Variants in FBXW10B observed in about 807,000 individuals in gnomAD.
The protein encoded by FBXW10B is F-box and WD repeat domain containing 10B.
the FBXW10B span, among the ~76,000 whole-genome samples, chr17:15,583,063 T>G: frequency 2.0e-5 from 3 of 149,910 alleles, no homozygotes; most frequent in Admixed American, 6.7e-5. Flanking sequence ...AGAGTAGTCC[T>G]TCTAAAAAGC....
chr17:15,574,035 T>A, the FBXW10B span: 2 of 661,828 alleles, frequency 3.0e-6, no homozygotes, highest in Non-Finnish European at 2.7e-6. Flanking sequence ...AGTCGCCAGG[T>A]GTCTCTCACG....
At chr17:15,578,352 G>A in the FBXW10B span, among the ~76,000 whole-genome samples, 39 of 151,038 alleles carry the variant, frequency 2.6e-4, no homozygotes, top group Non-Finnish European at 4.4e-4. Flanking sequence ...GCACGTGCAC[G>A]CAGCTGCCAG....
At chr17:15,566,208 G>A in the FBXW10B span, 1,251 of 1,612,366 alleles carry the variant, frequency 7.8e-4, 11 homozygotes, top group Non-Finnish European at 4.5e-4. Context: ...CAAATTCCCC[G>A]GAATTACGGG....
At chr17:15,583,704 C>A in the FBXW10B span, among the ~76,000 whole-genome samples, 1 of 151,436 alleles carries the variant, frequency 6.6e-6, no homozygotes, top group African/African-American at 2.4e-5. Context: ...ACCAGTGTGC[C>A]CCACGTACAG....
the FBXW10B span, among the ~76,000 whole-genome samples, chr17:15,602,931 C>T: frequency 2.7e-5 from 3 of 109,940 alleles, 1 homozygote; most frequent in African/African-American, 1.4e-4. Flanking sequence ...CCGGCGAGAC[C>T]GAGTTTTGCT....
the FBXW10B span, chr17:15,613,811 C>A: frequency 2.8e-5 from 45 of 1,609,966 alleles, no homozygotes; most frequent in Admixed American, 2.7e-4. Context: ...TCTGGGAAAT[C>A]CCCTCATACA....
chr17:15,588,907 C>G, the FBXW10B span: 8 of 1,613,980 alleles, frequency 5.0e-6, no homozygotes, highest in African/African-American at 6.7e-5. Context: ...AGTTGCCATT[C>G]TGACCTTGGG....
chr17:15,574,033 G>A, the FBXW10B span: 1 of 659,822 alleles, frequency 1.5e-6, no homozygotes, highest in Non-Finnish European at 2.7e-6. Context: ...GCAGTCGCCA[G>A]GTGTCTCTCA....
chr17:15,611,742 A>T, the FBXW10B span, among the ~76,000 whole-genome samples: 11 of 152,250 alleles, frequency 7.2e-5, no homozygotes, highest in Admixed American at 5.9e-4. Flanking sequence ...AATTAAATAG[A>T]CTTCAAAATA....
At chr17:15,591,745 T>C in the FBXW10B span, among the ~76,000 whole-genome samples, 1 of 152,162 alleles carries the variant, frequency 6.6e-6, no homozygotes, top group East Asian at 1.9e-4. Flanking sequence ...AACCCAATAT[T>C]ACTATTGCTG....
the FBXW10B span, chr17:15,613,725 T>G: frequency 6.2e-7 from 1 of 1,610,294 alleles, no homozygotes; most frequent in Admixed American, 1.7e-5. Context: ...TTGTTCAGGG[T>G]GTGTCTATCC....
the FBXW10B span, among the ~76,000 whole-genome samples, chr17:15,592,631 C>G: frequency 5.9e-4 from 90 of 152,104 alleles, 1 homozygote; most frequent in African/African-American, 2.1e-3. Context: ...TGCCACCCCC[C>G]ACTCTCCTAT....
chr17:15,613,696 C>T, the FBXW10B span: 1 of 1,609,314 alleles, frequency 6.2e-7, no homozygotes, highest in Non-Finnish European at 8.5e-7. Context: ...CGGCCCAGTG[C>T]TGGCTCACAG....
At chr17:15,618,954 C>A in the FBXW10B span, 154 of 1,584,802 alleles carry the variant, frequency 9.7e-5, 3 homozygotes, top group South Asian at 1.6e-3. Context: ...ATTTCTGAAG[C>A]CTTGCCTTCT....
At chr17:15,612,022 C>G in the FBXW10B span, among the ~76,000 whole-genome samples, 128 of 152,302 alleles carry the variant, frequency 8.4e-4, no homozygotes, top group Non-Finnish European at 1.4e-3. Context: ...TCCTCAAATT[C>G]CTGAGCAGCA....
the FBXW10B span, chr17:15,594,875 C>T: frequency 6.2e-6 from 10 of 1,611,624 alleles, no homozygotes; most frequent in African/African-American, 4.1e-5. Flanking sequence ...ACAGCTCCCT[C>T]GTGGCCACTG....
chr17:15,601,408 C>CAA, the FBXW10B span, among the ~76,000 whole-genome samples: 88 of 65,566 alleles, frequency 1.3e-3, no homozygotes, highest in African/African-American at 1.8e-3. Flanking sequence ...GACTCCGTCT[C>CAA]AAAAAAAAAA....
the FBXW10B span, among the ~76,000 whole-genome samples, chr17:15,614,684 T>C: frequency 0.42 from 63,649 of 152,020 alleles, 16,389 homozygotes; most frequent in African/African-American, 0.72. Context: ...AAAGTGTTGA[T>C]AATTGTTGAA....
the FBXW10B span, among the ~76,000 whole-genome samples, chr17:15,583,829 T>C: frequency 1.5e-3 from 232 of 152,264 alleles, no homozygotes; most frequent in African/African-American, 4.7e-3. Context: ...AATGAGGTAA[T>C]GCTATCTCAG....
Sources: gnomAD v4.1 joint callset for allele counts (sites outside exome capture counted in the v4.1 genomes callset) on GRCh38, gnomAD v4.1.1 for gene constraint, MANE v1.5 for transcripts, NCBI Gene and HGNC (gene_info 2026-07-23, HGNC 2026-07-21) for gene names.